The following GPAT3 variants were observed in gnomAD, a reference collection of about 807,000 sequenced individuals.
GPAT3 encodes glycerol-3-phosphate acyltransferase 3.
In GPAT3, 53 loss-of-function variants were observed where a neutral mutation model predicts 58.8. The ratio of observed to expected loss-of-function variants is 0.90; its 90% CI spans 0.72 to 1.13. GPAT3 has a LOEUF of 1.13. Among genes scored for constraint, GPAT3 ranks in the 50% most tolerant of loss-of-function variants. The pLI is 0.00. For missense variants in GPAT3, 511 were observed against 527.6 expected, an observed-to-expected ratio of 0.97 and a Z score of 0.31; for synonymous variants, 197 against 187.4, an observed-to-expected ratio of 1.05 and a Z score of -0.42.
At chr4:83,586,632 T>C (rs1726386257) in intron 3 of GPAT3, among the ~76,000 whole-genome samples, 1 of 152,246 alleles carries the variant, frequency 6.6e-6, no homozygotes, top group South Asian at 2.1e-4. Context: ...GTCTTAACTT[T>C]CCTTTTTGAA....
Position 83,592,394 on chromosome 4 carries a change from T to C in GPAT3, c.738+2102T>C, listed in dbSNP as rs150809802. Among the ~76,000 whole-genome samples the C allele has an allele frequency of 5.0e-3, 758 of 152,318 alleles. 5 individuals are homozygous for C. The highest frequency in any genetic ancestry group is 0.017 in the African/African-American group (715 of 41,566). ...GCCATTAGCCTCCAGACATCATAATTGGCCTCTTTTGACTAAACATAAACT... is the reference window on the plus strand; with the variant it reads ...GCCATTAGCCTCCAGACATCATAATCGGCCTCTTTTGACTAAACATAAACT... On this transcript the variant is annotated intron_variant, in intron 6 of 11. Coordinates refer to ENST00000264409, the MANE Select transcript of GPAT3 (RefSeq NM_032717.5).
rs1195179831 is a variant in GPAT3 at position 83,597,448 on chromosome 4, C to G, written c.929C>G (p.Thr310Ser). ...IFPEGTCINN[T>S]SVMMFKKGSF... ...CTTGCAGGAACTTGCATCAACAATA[C>G]TTCAGTCATGATGTTTAAAAAGGGG... Residue 310 changes from threonine (T) to serine (S), a missense_variant, in exon 9 of 12, where the codon ACT becomes AGT. Thr to Ser is a moderately conservative substitution (Grantham distance 58). Coordinates refer to ENST00000264409, the MANE Select transcript of GPAT3 (RefSeq NM_032717.5). 1 of 1,566,800 alleles carries G rather than the reference C, an allele frequency of 6.4e-7. No individual in the cohort carries two copies. Among genetic ancestry groups the G allele is most frequent in the Non-Finnish European group, 8.7e-7 (1 of 1,155,516 alleles).
Position 83,599,465 on chromosome 4 carries a change from G to A in GPAT3, c.1205+742G>A, listed in dbSNP as rs1252010664. Among the ~76,000 whole-genome samples the A allele has an allele frequency of 5.9e-5, 9 of 152,188 alleles. No homozygotes were observed. In the East Asian group the frequency reaches 1.7e-3, roughly 29 times the overall value. On this transcript the variant is annotated intron_variant, in intron 11 of 11. Coordinates refer to ENST00000264409, the MANE Select transcript of GPAT3 (RefSeq NM_032717.5). ...TCATGTGATAACACCTAGCTGCAAA[G>A]GAAGCTGGGGAATGTAGTCTTTGTT... is the stretch of plus-strand genomic sequence containing the variant.
chr4:83,562,190 T>TATATATATTATATATATATA (rs1725160818), intron 2 of GPAT3, among the ~76,000 whole-genome samples: 2 of 87,382 alleles, frequency 2.3e-5, no homozygotes, highest in African/African-American at 1.7e-4. Context: ...TATATATATA[T>TATATATATTATATATATATA]ATATATATAA....
At chr4:83,547,474 G>C (rs542602475) in intron 2 of GPAT3, among the ~76,000 whole-genome samples, 11 of 151,358 alleles carry the variant, frequency 7.3e-5, no homozygotes, top group East Asian at 1.9e-4. Flanking sequence ...GGATGGTCTC[G>C]ATCTCCTGAC....
At position 83,583,667 on chromosome 4, in the gene GPAT3, GAAAAAAAAAAAA is replaced by G. The variant is rs749976752; in HGVS notation, c.479+1854_479+1865del. On this transcript the variant is annotated intron_variant, in intron 3 of 11. Coordinates refer to ENST00000264409, the MANE Select transcript of GPAT3 (RefSeq NM_032717.5). ...GGGTGACAGAGCGAGACTCTTGTCT[GAAAAAAAAAAAA>G]AAAAAAAAAAAAAAAAAATGAAGCT... Among the ~76,000 whole-genome samples, 65 of 23,462 alleles carry G rather than the reference GAAAAAAAAAAAA, an allele frequency of 2.8e-3. 1 individual carries two copies. The highest frequency in any genetic ancestry group is 7.1e-3 in the Admixed American group (11 of 1,550). The allele number at this position is 23,462 out of a possible 152,430, so 15.4% of individuals were successfully genotyped here.
chr4:83,537,625 G>GTGTGTGTGTGTATA (rs138199995), intron 1 of GPAT3, among the ~76,000 whole-genome samples: 77 of 147,688 alleles, frequency 5.2e-4, no homozygotes, highest in African/African-American at 1.9e-3. Context: ...GTGTGTGTGT[G>GTGTGTGTGTGTATA]TATATTTAAC....
chr4:83,573,996 A>G (rs1203482088), intron 2 of GPAT3, among the ~76,000 whole-genome samples: 1 of 152,220 alleles, frequency 6.6e-6, no homozygotes, highest in Non-Finnish European at 1.5e-5. Context: ...AACATTTCCT[A>G]TAGAAACAGT....
chr4:83,544,242 C>T (rs1282150878), intron 1 of GPAT3, among the ~76,000 whole-genome samples: 1 of 152,222 alleles, frequency 6.6e-6, no homozygotes, highest in African/African-American at 2.4e-5. Flanking sequence ...TCATGCCCCC[C>T]ATGCTTCACA....
At chr4:83,548,146 G>A (rs1724615798) in intron 2 of GPAT3, among the ~76,000 whole-genome samples, 1 of 152,204 alleles carries the variant, frequency 6.6e-6, no homozygotes, top group Non-Finnish European at 1.5e-5. Context: ...AAGTGCTAGA[G>A]CCACAGCATA....
chr4:83,563,227 C>T (rs1245040376), intron 2 of GPAT3, among the ~76,000 whole-genome samples: 7 of 152,146 alleles, frequency 4.6e-5, no homozygotes, highest in African/African-American at 1.7e-4. Context: ...ATTGTGTAAA[C>T]ACTTTAAATT....
chr4:83,585,450 A>G, intron 3 of GPAT3, among the ~76,000 whole-genome samples: 1 of 151,588 alleles, frequency 6.6e-6, no homozygotes. Flanking sequence ...ATTTTTAAAT[A>G]AAAATATTTA....
At chr4:83,580,938 T>C (rs1268596085) in intron 2 of GPAT3, among the ~76,000 whole-genome samples, 1 of 151,492 alleles carries the variant, frequency 6.6e-6, no homozygotes, top group African/African-American at 2.4e-5. Flanking sequence ...CTATTAAAAA[T>C]ACAAAAAATT....
chr4:83,590,239 C>T lies in GPAT3; in HGVS notation c.685C>T (p.His229Tyr). The change falls in exon 6 of 12, where the codon CAT (histidine) becomes TAT (tyrosine). Residue 229 changes from histidine to tyrosine, a missense_variant. His to Tyr is a moderately conservative substitution (Grantham distance 83). Transcript: ENST00000264409. ...GAAGGGAGGCATTTGTGTTGCCAAC[C>T]ATACTTCCCCCATTGATGTTTTAAT... ...PQKGGICVANHTSPIDVLILT... is the reference protein window; with the variant it reads ...PQKGGICVANYTSPIDVLILT... 1.2e-6 allele frequency: 2 copies of T among 1,613,906 alleles called. No homozygotes were observed. Among genetic ancestry groups the T allele is most frequent in the Non-Finnish European group, 1.7e-6 (2 of 1,179,856 alleles).
chr4:83,547,429 T>G (rs1724577401), intron 2 of GPAT3, among the ~76,000 whole-genome samples: 1 of 151,776 alleles, frequency 6.6e-6, no homozygotes, highest in African/African-American at 2.4e-5. Context: ...ATTTTTTGTA[T>G]TTTTAGTAGA....
At chr4:83,574,768 A>G (rs995445808) in intron 2 of GPAT3, among the ~76,000 whole-genome samples, 7 of 148,666 alleles carry the variant, frequency 4.7e-5, no homozygotes, top group African/African-American at 1.2e-4. Flanking sequence ...TTTAATGATA[A>G]CAAAACTAAT....
At chr4:83,564,701 A>T (rs1220036349) in intron 2 of GPAT3, among the ~76,000 whole-genome samples, 1 of 150,762 alleles carries the variant, frequency 6.6e-6, no homozygotes, top group East Asian at 1.9e-4. Context: ...TCTGTCACAA[A>T]AAAAGAAAAA....
chr4:83,544,460 C>A, intron 1 of GPAT3, 76 bp from the exon 2 acceptor site: 1 of 1,433,788 alleles, frequency 7.0e-7, no homozygotes, highest in Non-Finnish European at 9.8e-7. Context: ...AATTTCACTT[C>A]TGTATAATCA....
In GPAT3 at chr4:83,536,215, T is replaced by A; in HGVS notation, c.-408T>A. 1 of 991,416 alleles carries A rather than the reference T, an allele frequency of 1.0e-6. No homozygotes were observed. Among genetic ancestry groups the A allele is most frequent in the Non-Finnish European group, 1.2e-6 (1 of 834,046 alleles). The allele number at this position is 991,416 out of a possible 1,614,324, so 61.4% of individuals were successfully genotyped here. On this transcript the variant is annotated 5_prime_UTR_variant, in exon 1 of 12. Transcript: ENST00000264409. ...GCTCGGGGAGGGCCTCCGTGAGTCA[T>A]CTGCTGAGTTGTCGCAATCGCCACC...
Sources: allele counts gnomAD v4.1 joint callset (sites outside exome capture counted in the v4.1 genomes callset), GRCh38; gene constraint gnomAD v4.1.1; transcripts MANE v1.5; gene names NCBI Gene and HGNC (gene_info 2026-07-23, HGNC 2026-07-21).